The following RUNDC3B variants were observed in gnomAD, a reference collection of about 807,000 sequenced individuals.
The protein encoded by RUNDC3B is RUN domain-containing protein 3B.
RUNDC3B carries 33 observed loss-of-function variants against 58.4 expected under a neutral mutation model. The ratio of observed to expected loss-of-function variants is 0.56; its 90% CI spans 0.43 to 0.75. RUNDC3B has a LOEUF of 0.75. RUNDC3B is among the 30% of genes least tolerant of loss of function. The pLI is 0.00. For synonymous variants in RUNDC3B, 193 were observed against 195.2 expected (o/e 0.99, Z 0.10); for missense variants, 501 against 535.7 (o/e 0.94, Z 0.64).
At chr7:87,769,972 T>A (rs995055178) in intron 6 of RUNDC3B, among the ~76,000 whole-genome samples, 1 of 152,144 alleles carries the variant, frequency 6.6e-6, no homozygotes, top group African/African-American at 2.4e-5. Context: ...TGTTCTATAG[T>A]CATATCCTGA....
intron 1 of RUNDC3B, among the ~76,000 whole-genome samples, chr7:87,643,195 C>T (rs529120695): frequency 3.3e-4 from 51 of 152,296 alleles, no homozygotes; most frequent in African/African-American, 1.1e-3. Context: ...GTGTGAGCCA[C>T]CACACCTGGC....
At chr7:87,776,189 GA>G (rs1451084565) in intron 7 of RUNDC3B, among the ~76,000 whole-genome samples, 2 of 151,910 alleles carry the variant, frequency 1.3e-5, no homozygotes, top group Non-Finnish European at 2.9e-5. Context: ...TATATCCTAG[GA>G]ATTCTACTCC....
intron 4 of RUNDC3B, among the ~76,000 whole-genome samples, chr7:87,739,248 G>A (rs1482068993): frequency 6.6e-6 from 1 of 151,810 alleles, no homozygotes. Flanking sequence ...AGCCACCTTG[G>A]TAGCCCATCT....
At chr7:87,795,311 G>A (rs564809915) in intron 8 of RUNDC3B, among the ~76,000 whole-genome samples, 1 of 152,156 alleles carries the variant, frequency 6.6e-6, no homozygotes, top group South Asian at 2.1e-4. Context: ...TTAAAAAGTG[G>A]GCAAAAGATT....
chr7:87,641,207 C>T (rs905973150), intron 1 of RUNDC3B, among the ~76,000 whole-genome samples: 1 of 152,144 alleles, frequency 6.6e-6, no homozygotes, highest in African/African-American at 2.4e-5. Context: ...TTCATAAGAA[C>T]ATAGTATACA....
At chr7:87,665,368 A>G (rs1464878886) in intron 2 of RUNDC3B, among the ~76,000 whole-genome samples, 1 of 152,158 alleles carries the variant, frequency 6.6e-6, no homozygotes, top group Non-Finnish European at 1.5e-5. Context: ...ACTTAGGAGG[A>G]AATTCAGGCA....
intron 4 of RUNDC3B, among the ~76,000 whole-genome samples, chr7:87,733,263 C>A (rs1275387762): frequency 6.6e-6 from 1 of 152,198 alleles, no homozygotes; most frequent in Non-Finnish European, 1.5e-5. Flanking sequence ...CATTCATAGG[C>A]TCTCTGCAGG....
At chr7:87,631,671 G>C (rs576948872) in intron 1 of RUNDC3B, among the ~76,000 whole-genome samples, 14 of 152,344 alleles carry the variant, frequency 9.2e-5, no homozygotes, top group African/African-American at 3.1e-4. Context: ...GGGATTACAG[G>C]CGTGAGCCAC....
intron 8 of RUNDC3B, among the ~76,000 whole-genome samples, chr7:87,802,824 G>A (rs1374760595): frequency 6.6e-6 from 1 of 152,058 alleles, no homozygotes; most frequent in African/African-American, 2.4e-5. Context: ...GGGCAACATA[G>A]GGAGACCCCG....
chr7:87,733,338 C>A (rs1229450124), intron 4 of RUNDC3B, among the ~76,000 whole-genome samples: 1 of 152,170 alleles, frequency 6.6e-6, no homozygotes, highest in Non-Finnish European at 1.5e-5. Flanking sequence ...TTTACACAAT[C>A]CTGCATGGAA....
chr7:87,816,254 T>A lies in RUNDC3B; in HGVS notation c.1217T>A (p.Met406Lys). ...GGAAAACAAGACACATTAAATGTAA[T>A]GAGTGAAGGTAAGAAAACAAAGAAC... ...GDGKQDTLNV[M>K]SEGKEDTPSL... Residue 406 changes from methionine to lysine, a missense_variant, in exon 10 of 11, where the codon ATG becomes AAG. Transcript: ENST00000394654. 1 of 1,609,944 alleles carries A rather than the reference T, an allele frequency of 6.2e-7. No homozygotes were observed. Among genetic ancestry groups the A allele is most frequent in the Non-Finnish European group, 8.5e-7 (1 of 1,177,808 alleles).
At chr7:87,802,489 C>T (rs1211425806) in intron 8 of RUNDC3B, among the ~76,000 whole-genome samples, 1 of 151,834 alleles carries the variant, frequency 6.6e-6, no homozygotes, top group Non-Finnish European at 1.5e-5. Flanking sequence ...AGAATAAGAC[C>T]TAGTGTTTGC....
intron 1 of RUNDC3B, among the ~76,000 whole-genome samples, chr7:87,631,459 C>T (rs1205615537): frequency 6.6e-6 from 1 of 152,160 alleles, no homozygotes; most frequent in Non-Finnish European, 1.5e-5. Flanking sequence ...GGCGCGATCT[C>T]GGCTCACTGC....
At chr7:87,763,557 G>A (rs997352723) in intron 6 of RUNDC3B, among the ~76,000 whole-genome samples, 7 of 151,528 alleles carry the variant, frequency 4.6e-5, no homozygotes, top group African/African-American at 1.7e-4. Flanking sequence ...GGGTTTTTTA[G>A]TATTTTGAAA....
chr7:87,737,293 A>G (rs1181887192), intron 4 of RUNDC3B, among the ~76,000 whole-genome samples: 1 of 151,984 alleles, frequency 6.6e-6, no homozygotes, highest in Non-Finnish European at 1.5e-5. Context: ...CTCAGGCTTT[A>G]CTCCTGGCTC....
chr7:87,746,932 A>G (rs1432657096), intron 6 of RUNDC3B, among the ~76,000 whole-genome samples: 2 of 152,172 alleles, frequency 1.3e-5, no homozygotes, highest in Non-Finnish European at 2.9e-5. Context: ...TGGTCCCTCC[A>G]TGATTAGCGT....
At position 87,712,545 on chromosome 7, in the gene RUNDC3B, A is replaced by G. The variant is rs28381719; in HGVS notation, c.458+1890A>G. On this transcript the variant is annotated intron_variant, in intron 4 of 10. Transcript: ENST00000394654. Reference sequence around the variant, plus strand: ...AGTCTTTTCCAAATAGAAATTAAATAATTAATAATCTCTCTAAATTGTTAG... The same window carrying G: ...AGTCTTTTCCAAATAGAAATTAAATGATTAATAATCTCTCTAAATTGTTAG... 1.0e-3 allele frequency among the ~76,000 whole-genome samples: 159 copies of G among 152,224 alleles called. No homozygotes were observed. The Middle Eastern group carries it at 0.014, about 13-fold the overall frequency.
chr7:87,680,782 A>G (rs761086185), intron 2 of RUNDC3B, among the ~76,000 whole-genome samples: 10 of 150,308 alleles, frequency 6.7e-5, no homozygotes, highest in Non-Finnish European at 1.2e-4. Flanking sequence ...GCAAGGAGTG[A>G]AACTCCATCT....
At chr7:87,724,046 A>AT (rs1406498547) in intron 4 of RUNDC3B, among the ~76,000 whole-genome samples, 1 of 152,142 alleles carries the variant, frequency 6.6e-6, no homozygotes, top group Non-Finnish European at 1.5e-5. Flanking sequence ...ACATAGTGGG[A>AT]TCCCATCTGT....
Sources: allele counts gnomAD v4.1 joint callset (sites outside exome capture counted in the v4.1 genomes callset), GRCh38; gene constraint gnomAD v4.1.1; transcripts MANE v1.5; gene names NCBI Gene and HGNC (gene_info 2026-07-23, HGNC 2026-07-21).